P3H2: variants seen among roughly 807,000 people sequenced by gnomAD.
P3H2 encodes the protein leprecan-like 1.
Under a neutral mutation model 87.0 loss-of-function variants are expected in P3H2, and 80 were observed. That is an observed-to-expected ratio of 0.92 (90% CI 0.77 to 1.11). The LOEUF (loss-of-function observed/expected upper bound fraction) is 1.11, where lower values mean the gene tolerates loss of function less well. P3H2 is among the 50% of genes least tolerant of loss of function. The pLI is 0.00. For synonymous variants in P3H2, 367 were observed against 359.3 expected (o/e 1.02, Z -0.24); for missense variants, 1,001 against 923.9 (o/e 1.08, Z -1.08).
chr3:190,109,633 T>G (rs1318600977), intron 1 of P3H2, among the ~76,000 whole-genome samples: 1 of 152,164 alleles, frequency 6.6e-6, no homozygotes, highest in Non-Finnish European at 1.5e-5. Context: ...GCTGAGTTAC[T>G]GTAGCTATGG....
Position 190,120,850 on chromosome 3 carries a change from C to T in P3H2, c.-119G>A. ...CGCGCCGACTCCGCCGCGATCTGGC[C>T]GCTCCGCGAGCCCCAGGTGACCGCC... On this transcript the variant is annotated 5_prime_UTR_variant, in exon 1 of 15. Transcript: ENST00000319332. The T allele has an allele frequency of 2.8e-6, 4 of 1,418,866 alleles. No individual in the cohort carries two copies. The highest frequency in any genetic ancestry group is 3.7e-6 in the Non-Finnish European group (4 of 1,083,708). 87.9% of individuals were successfully genotyped at this position (1,418,866 alleles called of 1,614,324 possible). A position where few individuals can be genotyped will look rare whatever the true frequency, so the allele number is the denominator to read the frequency against.
rs561006389 is a variant in P3H2, at chr3:190,026,317, C to T, written c.481-30875G>A. 1.1e-4 allele frequency among the ~76,000 whole-genome samples: 17 copies of T among 152,230 alleles called. No individual in the cohort carries two copies. The South Asian group carries it at 3.3e-3, about 30-fold the overall frequency. The stretch of plus-strand genomic sequence containing the variant: ...GTGGCTGGGTAAAAGGAGCCTGAGG[C>T]GTACTGGGCTGCATTCCCAGATGGT... On this transcript the variant is annotated intron_variant, in intron 1 of 14. Transcript: ENST00000319332.
intron 2 of P3H2, among the ~76,000 whole-genome samples, chr3:189,994,797 T>A (rs1427547392): frequency 1.3e-5 from 2 of 151,048 alleles, no homozygotes; most frequent in Non-Finnish European, 3.0e-5. Context: ...TCAAGTAATG[T>A]TTAGTCTATA....
upstream of P3H2, chr3:190,120,936 C>T (rs561203819): frequency 5.2e-4 from 350 of 671,986 alleles, no homozygotes; most frequent in Non-Finnish European, 7.7e-4. Context: ...AAGGGACGCC[C>T]ACAGCTCACA....
rs372113441 is a variant in P3H2 at position 189,959,940 on chromosome 3, C to A, written c.2035-1936G>T. 2.9e-3 allele frequency among the ~76,000 whole-genome samples: 438 copies of A among 150,184 alleles called. 2 individuals are homozygous for A. The highest frequency in any genetic ancestry group is 0.017 in the South Asian group (78 of 4,704). On this transcript the variant is annotated intron_variant, in intron 14 of 14. Coordinates refer to ENST00000319332, the MANE Select transcript of P3H2 (RefSeq NM_018192.4). The stretch of plus-strand genomic sequence containing the variant: ...GGGGTGTGGGGACTACATGACTTTC[C>A]ACTAGTTAGAATACAATTCGCATTT...
chr3:190,120,857 C>G lies in P3H2; in HGVS notation c.-126G>C. 1.4e-6 allele frequency: 2 copies of G among 1,408,666 alleles called. No individual in the cohort carries two copies. The highest frequency in any genetic ancestry group is 1.9e-6 in the Non-Finnish European group (2 of 1,077,558). 87.3% of individuals were successfully genotyped at this position (1,408,666 alleles called of 1,614,324 possible). ...ACTCCGCCGCGATCTGGCCGCTCCGCGAGCCCCAGGTGACCGCCGGCGCTC... is the reference window on the plus strand; with the variant it reads ...ACTCCGCCGCGATCTGGCCGCTCCGGGAGCCCCAGGTGACCGCCGGCGCTC... On this transcript the variant is annotated 5_prime_UTR_variant, in exon 1 of 15. Coordinates refer to ENST00000319332, the MANE Select transcript of P3H2 (RefSeq NM_018192.4).
rs868074063 is a variant in P3H2, at chr3:189,986,781, C to A, written c.1188+7G>T. The A allele has an allele frequency of 3.2e-6, 5 of 1,574,690 alleles. No homozygotes were observed. Among genetic ancestry groups the A allele is most frequent in the African/African-American group, 1.3e-5 (1 of 74,232 alleles). On this transcript the variant is annotated splice_region_variant and intron_variant, in intron 6 of 14. Coordinates refer to ENST00000319332, the MANE Select transcript of P3H2 (RefSeq NM_018192.4). ...TATTTTAATAAACGTTTCCTCTTTC[C>A]TCTTACCGGTTCAGTGTATGAAAAC...
At chr3:190,103,715 G>A (rs186573043) in intron 1 of P3H2, among the ~76,000 whole-genome samples, 8 of 152,180 alleles carry the variant, frequency 5.3e-5, no homozygotes, top group African/African-American at 1.7e-4. Context: ...AGCACAATCC[G>A]GTTCACCGAC....
intron 14 of P3H2, among the ~76,000 whole-genome samples, chr3:189,958,530 T>G (rs989382685): frequency 1.5e-4 from 23 of 151,946 alleles, no homozygotes; most frequent in African/African-American, 5.3e-4. Flanking sequence ...ATTGACATTT[T>G]TAGACCAGAT....
Position 189,957,127 on chromosome 3 carries a change from A to G in P3H2, c.*785T>C, listed in dbSNP as rs1722657537. 5.0e-6 allele frequency: 2 copies of G among 398,510 alleles called. No individual in the cohort carries two copies. 24.7% of individuals were successfully genotyped at this position (398,510 alleles called of 1,614,324 possible). A position where few individuals can be genotyped will look rare whatever the true frequency, so the allele number is the denominator to read the frequency against. On this transcript the variant is annotated 3_prime_UTR_variant, in exon 15 of 15. Coordinates refer to ENST00000319332, the MANE Select transcript of P3H2 (RefSeq NM_018192.4). The stretch of plus-strand genomic sequence containing the variant: ...GCCAAAAATTCCACCAAGGCCCTGG[A>G]AAGACTGAAGTCCCCTCTGTCTCAT...
chr3:189,970,724 T>C (rs1577246137), intron 13 of P3H2, 92 bp downstream of exon 13: 1 of 778,078 alleles, frequency 1.3e-6, no homozygotes, highest in Non-Finnish European at 2.3e-6. Context: ...AGCTCAGAAG[T>C]ATTTGAAATC....
rs182024187 is a variant in P3H2, at chr3:190,119,033, A to G, written c.480+1219T>C. Among the ~76,000 whole-genome samples the G allele has an allele frequency of 6.5e-3, 980 of 150,974 alleles. 8 individuals carry two copies. The highest frequency in any genetic ancestry group is 9.4e-3 in the Admixed American group (142 of 15,104). ...GGCAGGAGAATCGTTTGAGCCCGGG[A>G]GGCGGAGGTTGCAGTGAGCCCAGAT... On this transcript the variant is annotated intron_variant, in intron 1 of 14. Transcript: ENST00000319332.
chr3:189,962,994 G>A (rs368506792), intron 14 of P3H2, among the ~76,000 whole-genome samples: 2 of 152,284 alleles, frequency 1.3e-5, no homozygotes, highest in South Asian at 2.1e-4. Context: ...CCATTTCAGC[G>A]TTCCATGCTA....
intron 1 of P3H2, among the ~76,000 whole-genome samples, chr3:190,069,550 A>AGTCCT (rs1726627046): frequency 6.6e-6 from 1 of 152,146 alleles, no homozygotes; most frequent in Non-Finnish European, 1.5e-5. Flanking sequence ...TTCTTTTCCC[A>AGTCCT]GTCCTCCTCA....
At chr3:190,005,834 T>A (rs1351248156) in intron 1 of P3H2, among the ~76,000 whole-genome samples, 1 of 152,216 alleles carries the variant, frequency 6.6e-6, no homozygotes, top group Non-Finnish European at 1.5e-5. Flanking sequence ...TCTGCAGGTA[T>A]GTCACCCATC....
At chr3:190,105,666 A>AT (rs1489311260) in intron 1 of P3H2, among the ~76,000 whole-genome samples, 3 of 152,156 alleles carry the variant, frequency 2.0e-5, no homozygotes, top group African/African-American at 7.2e-5. Context: ...TGTCCATTGC[A>AT]TTTTATATTC....
At chr3:190,015,250 A>G (rs188224907) in intron 1 of P3H2, among the ~76,000 whole-genome samples, 1 of 152,250 alleles carries the variant, frequency 6.6e-6, no homozygotes, top group Non-Finnish European at 1.5e-5. Context: ...GGCATGAGCC[A>G]CTGCATCTAG....
Position 190,120,332 on chromosome 3 carries a change from G to C in P3H2, c.400C>G (p.Arg134Gly). 1 of 1,597,218 alleles carries C rather than the reference G, an allele frequency of 6.3e-7. No homozygotes were observed. The highest frequency in any genetic ancestry group is 8.5e-7 in the Non-Finnish European group (1 of 1,174,212). The change falls in exon 1 of 15, where the codon CGC becomes GGC. Residue 134 changes from arginine (R) to glycine (G), a missense_variant. Arg to Gly is a moderately radical substitution (Grantham distance 125, BLOSUM62 -2). Coordinates refer to ENST00000319332, the MANE Select transcript of P3H2 (RefSeq NM_018192.4). Reference protein sequence around the residue: ...ETQRLGGPASRHRVSEDVRSD... With the variant: ...ETQRLGGPASGHRVSEDVRSD... ...CGCACATCCTCGCTGACGCGGTGGC[G>C]GGATGCGGGGCCCCCGAGGCGCTGG...
chr3:189,963,247 T>C (rs898367325), intron 14 of P3H2, among the ~76,000 whole-genome samples: 1 of 152,212 alleles, frequency 6.6e-6, no homozygotes, highest in Admixed American at 6.5e-5. Context: ...TGTCCTCAGC[T>C]AGTTTGCATA....
Sources: gnomAD v4.1 joint callset for allele counts (sites outside exome capture counted in the v4.1 genomes callset) on GRCh38, gnomAD v4.1.1 for gene constraint, MANE v1.5 for transcripts, NCBI Gene and HGNC (gene_info 2026-07-23, HGNC 2026-07-21) for gene names.